The following ZNF219 variants were observed in gnomAD, a reference collection of about 807,000 sequenced individuals.
ZNF219 encodes the protein zinc finger protein 219.
In ZNF219, 17 loss-of-function variants were observed where a neutral mutation model predicts 54.4. The observed-to-expected ratio is 0.31, with a 90% CI of 0.21 to 0.47. ZNF219 has a LOEUF of 0.47. Among genes scored for constraint, ZNF219 ranks in the 20% least tolerant of loss-of-function variants. ZNF219 has a pLI of 1.00. For synonymous variants in ZNF219, 518 were observed against 476.4 expected (o/e 1.09, Z -1.14); for missense variants, 1,014 against 1,062.3 (o/e 0.95, Z 0.63).
intron 2 of ZNF219, 98 bp from the exon 3 acceptor site, chr14:21,093,388 G>A (rs1157478692): frequency 1.9e-5 from 28 of 1,492,470 alleles, no homozygotes; most frequent in East Asian, 4.6e-5. Context: ...ACGAGGGAAG[G>A]TGGGCTGGGG....
chr14:21,093,682 A>G lies in ZNF219; in HGVS notation c.-83-8T>C. On this transcript the variant is annotated splice_polypyrimidine_tract_variant and splice_region_variant and intron_variant, in intron 1 of 4. Coordinates refer to ENST00000360947, the MANE Select transcript of ZNF219 (RefSeq NM_016423.3). ...GCAACAGGTGCTGTGGAGCTAAAGC[A>G]AGAGACAGATTTGGAGGAAAAGATG... 6.2e-7 allele frequency: 1 copy of G among 1,613,562 alleles called. No homozygotes were observed. The highest frequency in any genetic ancestry group is 8.5e-7 in the Non-Finnish European group (1 of 1,179,658).
At position 21,094,726 on chromosome 14, in the gene ZNF219, T is replaced by TGCGG. The variant is rs1555341860; in HGVS notation, c.-83-1053_-83-1052insCCGC. On this transcript the variant is annotated intron_variant, in intron 1 of 4. Transcript: ENST00000360947. ...TCATTGAGAGGAAGAGGATAGGGGT[T>TGCGG]GGGGGGGGGGGCGGGTGCTGATCCT... is the stretch of plus-strand genomic sequence containing the variant. Among the ~76,000 whole-genome samples the TGCGG allele has an allele frequency of 6.8e-4, 4 of 5,892 alleles. 1 individual carries two copies. Among genetic ancestry groups the TGCGG allele is most frequent in the Non-Finnish European group, 1.4e-3 (4 of 2,924 alleles). 3.9% of individuals were successfully genotyped at this position (5,892 alleles called of 152,430 possible). A position where few individuals can be genotyped will look rare whatever the true frequency, so the allele number is the denominator to read the frequency against.
upstream of ZNF219, chr14:21,102,635 T>G (rs751573160): frequency 6.4e-7 from 1 of 1,551,388 alleles, no homozygotes; most frequent in Non-Finnish European, 8.7e-7. Flanking sequence ...ACCTGCAGCA[T>G]GCTGGCTTGC....
In ZNF219 at chr14:21,090,284, C is replaced by T; in HGVS notation, c.*252G>A. 1.4e-6 allele frequency: 1 copy of T among 694,988 alleles called. No individual in the cohort carries two copies. The highest frequency in any genetic ancestry group is 2.6e-6 in the Non-Finnish European group (1 of 381,686). 43.1% of individuals were successfully genotyped at this position (694,988 alleles called of 1,614,324 possible). A position where few individuals can be genotyped will look rare whatever the true frequency, so the allele number is the denominator to read the frequency against. On this transcript the variant is annotated 3_prime_UTR_variant, in exon 5 of 5. Coordinates refer to ENST00000360947, the MANE Select transcript of ZNF219 (RefSeq NM_016423.3). The surrounding 1 kb of genome is among the most constrained non-coding windows in gnomAD (Gnocchi z 4.4). ...GTGGCTCCTCAACAGGGACACAAAC[C>T]TTCTCTGCCAGCCCAGGGACCCCGT...
In ZNF219 at chr14:21,090,620, G is replaced by T. The variant is rs2139288006; in HGVS notation, c.2085C>A (p.Thr695=). The change falls in exon 5 of 5, where the codon ACC becomes ACA. Residue 695 remains threonine, a synonymous_variant. Coordinates refer to ENST00000360947, the MANE Select transcript of ZNF219 (RefSeq NM_016423.3). The surrounding 1 kb of genome is among the most constrained non-coding windows in gnomAD (Gnocchi z 4.4). ...CCCCTTCCTGCGAAGGACTGGGAGGGGTCTCTCCTGATGGTACTCGGGCAT... is the reference window on the plus strand; with the variant it reads ...CCCCTTCCTGCGAAGGACTGGGAGGTGTCTCTCCTGATGGTACTCGGGCAT... ...PPYARVPSGE[T]PPSPSQEGEE... 6.2e-7 allele frequency: 1 copy of T among 1,612,180 alleles called. No individual in the cohort carries two copies. The highest frequency in any genetic ancestry group is 2.2e-5 in the East Asian group (1 of 44,844).
In ZNF219 at chr14:21,093,144, A is replaced by C. The variant is rs1173489737; in HGVS notation, c.153T>G (p.Arg51=). ...GGCAGGGGAAGCGCCGTTCGCCTGC[A>C]CGACTCTCAGACCAGCTCACCGCTC... The part of the protein sequence containing the change: ...GMGAVSWSES[R]AGERRFPCPV... The change falls in exon 3 of 5, where the codon CGT becomes CGG. Residue 51 remains arginine, a synonymous_variant. Transcript: ENST00000360947. The C allele has an allele frequency of 6.2e-7, 1 of 1,610,622 alleles. No homozygotes were observed.
chr14:21,091,056 C>G lies in ZNF219; in HGVS notation c.1649G>C (p.Arg550Pro), dbSNP rs770268741. The G allele has an allele frequency of 5.1e-6, 8 of 1,561,618 alleles. No homozygotes were observed. Among genetic ancestry groups the G allele is most frequent in the Middle Eastern group, 1.7e-4 (1 of 5,842 alleles). The change falls in exon 5 of 5, where the codon CGG becomes CCG. Residue 550 changes from arginine (R) to proline (P), a missense_variant. Arg to Pro is a moderately radical substitution (Grantham distance 103). Coordinates refer to ENST00000360947, the MANE Select transcript of ZNF219 (RefSeq NM_016423.3). ...SLKYHLQRHH[R>P]EQRSGAGPGP... ...GGGGCCGGCCCCGCTCCTCTGCTCC[C>G]GGTGGTGGCGCTGTAGGTGATACTT...
chr14:21,101,486 T>C, upstream of ZNF219: 1 of 1,523,462 alleles, frequency 6.6e-7, no homozygotes, highest in South Asian at 1.2e-5. Context: ...GGTCTCAGCA[T>C]GTCCACTTCT....
chr14:21,091,485 C>A lies in ZNF219; in HGVS notation c.1490G>T (p.Gly497Val). The stretch of plus-strand genomic sequence containing the variant: ...TTTTCCGCAGAAAGGACAATCCTTG[C>A]CGGTGGCGCCCCGGCCCCCTTCAGG... ...TRPEGGRGAT[G>V]KDCPFCGKSF... is the part of the protein sequence containing the mutation. Residue 497 changes from glycine to valine, a missense_variant, in exon 4 of 5, where the codon GGC (glycine) becomes GTC (valine). Gly to Val is a moderately radical substitution (Grantham distance 109, BLOSUM62 -3). Transcript: ENST00000360947. 6.2e-7 allele frequency: 1 copy of A among 1,610,334 alleles called. No homozygotes were observed. The highest frequency in any genetic ancestry group is 8.5e-7 in the Non-Finnish European group (1 of 1,177,252).
rs778123259 is a variant in ZNF219, at chr14:21,092,845, C to A, written c.452G>T (p.Gly151Val). 1.3e-6 allele frequency: 2 copies of A among 1,563,748 alleles called. No individual in the cohort carries two copies. The highest frequency in any genetic ancestry group is 2.3e-5 in the East Asian group (1 of 44,422). Residue 151 changes from glycine (G) to valine (V), a missense_variant, in exon 3 of 5, where the codon GGT (glycine) becomes GTT (valine). By Grantham distance (109) the Gly-to-Val change is moderately radical. This residue lies in a region of ZNF219 where 395 missense variants were observed against 415.1 expected (regional missense o/e 0.95). Coordinates refer to ENST00000360947, the MANE Select transcript of ZNF219 (RefSeq NM_016423.3). ...GGMQATPATEGLARPQAPSSS... is the reference protein window; with the variant it reads ...GGMQATPATEVLARPQAPSSS... ...TGAAGGAGCCTGGGGCCGCGCCAGA[C>A]CCTCAGTGGCAGGGGTGGCCTGCAT...
In ZNF219 at chr14:21,092,583, G is replaced by C. The variant is rs767044901; in HGVS notation, c.714C>G (p.Pro238=). 1.2e-5 allele frequency: 18 copies of C among 1,544,136 alleles called. No individual in the cohort carries two copies. Among genetic ancestry groups the C allele is most frequent in the South Asian group, 2.4e-5 (2 of 83,886 alleles). Residue 238 remains proline, a synonymous_variant, in exon 3 of 5, where the codon CCC becomes CCG. Transcript: ENST00000360947. Reference sequence around the variant, plus strand: ...CCGGCTGGGGGACTGATCTGGGTTCGGGCTGGGGTGGAGGCTGAGGCTGAG... The same window carrying C: ...CCGGCTGGGGGACTGATCTGGGTTCCGGCTGGGGTGGAGGCTGAGGCTGAG... ...PQPQPQPPPQ[P]EPRSVPQPEP...
Position 21,091,859 on chromosome 14 carries a change from A to G in ZNF219, c.1432+6T>C. 1 of 1,536,808 alleles carries G rather than the reference A, an allele frequency of 6.5e-7. No homozygotes were observed. Among genetic ancestry groups the G allele is most frequent in the Non-Finnish European group, 8.7e-7 (1 of 1,148,386 alleles). ...CGTACCCGGAGAGCGGAGGGTACCTACATACCCTGCGTGGCGGTCGATCTT... is the reference window on the plus strand; with the variant it reads ...CGTACCCGGAGAGCGGAGGGTACCTGCATACCCTGCGTGGCGGTCGATCTT... On this transcript the variant is annotated splice_donor_region_variant and intron_variant, in intron 3 of 4. Coordinates refer to ENST00000360947, the MANE Select transcript of ZNF219 (RefSeq NM_016423.3).
upstream of ZNF219, chr14:21,098,744 A>G: frequency 1.6e-6 from 2 of 1,222,206 alleles, no homozygotes; most frequent in African/African-American, 3.2e-5. Flanking sequence ...GAGATTTTGA[A>G]AGGTCATCTC....
upstream of ZNF219, chr14:21,101,590 G>A (rs1028417238): frequency 2.5e-6 from 2 of 801,518 alleles, no homozygotes; most frequent in Non-Finnish European, 3.9e-6. Flanking sequence ...GAGGAGGGTA[G>A]AGGAAAACAT....
chr14:21,094,329 G>A (rs985162507), intron 1 of ZNF219: 5 of 454,598 alleles, frequency 1.1e-5, no homozygotes, highest in South Asian at 3.1e-5. Flanking sequence ...GAGAGAGTTG[G>A]GGGAGGAGTG....
At position 21,092,170 on chromosome 14, in the gene ZNF219, G is replaced by A. The variant is rs1252045293; in HGVS notation, c.1127C>T (p.Pro376Leu). ...CAGGCTCAGGTAGCCCAAGAGGCTC[G>A]GGGGCTCACGGCGCTCGGCCGGGGT... The part of the protein sequence containing the change: ...APTPAERREP[P>L]SLLGYLSLRA... Residue 376 changes from proline (P) to leucine (L), a missense_variant, in exon 3 of 5, where the codon CCG becomes CTG. By Grantham distance (98) the Pro-to-Leu change is moderately conservative. Coordinates refer to ENST00000360947, the MANE Select transcript of ZNF219 (RefSeq NM_016423.3). The A allele has an allele frequency of 1.4e-5, 20 of 1,448,142 alleles. No homozygotes were observed. Among genetic ancestry groups the A allele is most frequent in the Admixed American group, 1.4e-4 (5 of 36,298 alleles). 89.7% of individuals were successfully genotyped at this position (1,448,142 alleles called of 1,614,324 possible).
Position 21,090,233 on chromosome 14 carries a change from C to T in ZNF219, c.*303G>A, listed in dbSNP as rs1350440343. The T allele has an allele frequency of 6.3e-6, 4 of 638,416 alleles. No homozygotes were observed. Among genetic ancestry groups the T allele is most frequent in the Non-Finnish European group, 1.2e-5 (4 of 343,534 alleles). 39.5% of individuals were successfully genotyped at this position (638,416 alleles called of 1,614,324 possible). On this transcript the variant is annotated 3_prime_UTR_variant, in exon 5 of 5. Coordinates refer to ENST00000360947, the MANE Select transcript of ZNF219 (RefSeq NM_016423.3). This position sits in a 1 kb window ranked among gnomAD's most constrained non-coding sequence, Gnocchi z 4.4. ...CCTTGTACAAAAATAAACTCTCACG[C>T]CTATGGACCAGCAAAGACTGGCAGA...
upstream of ZNF219, chr14:21,100,970 C>T (rs1268502942): frequency 5.6e-6 from 1 of 178,516 alleles, no homozygotes; most frequent in Non-Finnish European, 1.2e-5. Context: ...TGAGGTCGGG[C>T]TAGACATCTT....
chr14:21,093,060 G>A lies in ZNF219; in HGVS notation c.237C>T (p.His79=), dbSNP rs752166930. The A allele has an allele frequency of 6.2e-6, 10 of 1,600,688 alleles. No homozygotes were observed. The Admixed American group carries it at 1.5e-4, about 25-fold the overall frequency. Residue 79 remains histidine, a synonymous_variant, in exon 3 of 5, where the codon CAC becomes CAT. Coordinates refer to ENST00000360947, the MANE Select transcript of ZNF219 (RefSeq NM_016423.3). ...NSILALHLRA[H]PGAQAFQCPH... is the part of the protein sequence containing the mutation. ...GGCACTGGAAGGCCTGGGCTCCTGGGTGCGCCCGCAGGTGCAAAGCAAGGA... is the reference window on the plus strand; with the variant it reads ...GGCACTGGAAGGCCTGGGCTCCTGGATGCGCCCGCAGGTGCAAAGCAAGGA...
Sources: gnomAD v4.1 joint callset for allele counts (sites outside exome capture counted in the v4.1 genomes callset) on GRCh38, gnomAD v4.1.1 for gene constraint, gnomAD v4.1.1 regional missense constraint, Gnocchi (gnomAD v3.1) non-coding constraint, MANE v1.5 for transcripts, NCBI Gene and HGNC (gene_info 2026-07-23, HGNC 2026-07-21) for gene names.